Variants in HS6ST2 observed in about 807,000 individuals in gnomAD.
The protein encoded by HS6ST2 is heparan-sulfate 6-O-sulfotransferase 2.
HS6ST2 carries 17 observed loss-of-function variants against 33.0 expected under a neutral mutation model. The ratio of observed to expected loss-of-function variants is 0.52; its 90% CI spans 0.35 to 0.77. The LOEUF (loss-of-function observed/expected upper bound fraction) is 0.77. Among genes scored for constraint, HS6ST2 ranks in the 30% least tolerant of loss-of-function variants. The pLI is 0.01. For synonymous variants in HS6ST2, 248 were observed against 237.1 expected (o/e 1.05, Z -0.42); for missense variants, 519 against 551.7 (o/e 0.94, Z 0.59).
At chrX:132,926,905 G>A (rs186776421) in intron 2 of HS6ST2, among the ~76,000 whole-genome samples, 107 of 111,150 alleles carry the variant, frequency 9.6e-4, no homozygotes, top group African/African-American at 3.3e-3. Flanking sequence ...CTTGGGTGAC[G>A]GAGGGGGACT....
At chrX:132,957,491 C>G (rs1376990403) in intron 1 of HS6ST2, among the ~76,000 whole-genome samples, 165 bp from the exon 2 acceptor site, 1 of 110,019 alleles carries the variant, frequency 9.1e-6, no homozygotes, top group Non-Finnish European at 1.9e-5. Context: ...CTCCCTTCCC[C>G]GCTTCCTTCC....
chrX:132,798,959 C>T lies in HS6ST2; in HGVS notation c.948-90465G>A, dbSNP rs189272796. Among the ~76,000 whole-genome samples the T allele has an allele frequency of 7.1e-5, 8 of 112,049 alleles. 1 individual carries two copies. Among genetic ancestry groups the T allele is most frequent in the African/African-American group, 1.3e-4 (4 of 30,916 alleles). ...TCATGTCTATGTCCCCAGAACCTTG[C>T]AAGGAGGCCTGACCCAGGGTAATTG... On this transcript the variant is annotated intron_variant, in intron 2 of 4. Coordinates refer to ENST00000370833, the MANE Select transcript of HS6ST2 (RefSeq NM_001394073.1).
chrX:132,896,470 CA>C (rs1176818195), intron 2 of HS6ST2, among the ~76,000 whole-genome samples: 3,397 of 52,135 alleles, frequency 0.065, 40 homozygotes, highest in African/African-American at 0.078. Flanking sequence ...GACTCCGTCT[CA>C]AAAAAAAAAA....
intron 2 of HS6ST2, among the ~76,000 whole-genome samples, chrX:132,770,858 A>AATGG (rs1303327826): frequency 1.8e-5 from 2 of 112,029 alleles, no homozygotes; most frequent in Admixed American, 1.9e-4. Context: ...TGATGTTCAA[A>AATGG]ATGGAATTAA....
At chrX:132,909,481 A>T (rs1414606026) in intron 2 of HS6ST2, among the ~76,000 whole-genome samples, 1 of 112,430 alleles carries the variant, frequency 8.9e-6, no homozygotes, top group African/African-American at 3.2e-5. Context: ...GAAGTAAGCA[A>T]ACACTGTGCC....
chrX:132,749,860 C>T (rs779191711), intron 2 of HS6ST2, among the ~76,000 whole-genome samples: 3 of 110,912 alleles, frequency 2.7e-5, no homozygotes, highest in Admixed American at 9.6e-5. Context: ...CATTTTAATT[C>T]GAAGTGATTC....
At chrX:132,644,345 C>G (rs2063625663) in intron 4 of HS6ST2, among the ~76,000 whole-genome samples, 2 of 110,934 alleles carry the variant, frequency 1.8e-5, no homozygotes, top group African/African-American at 6.6e-5. Context: ...GTTAGTTTCT[C>G]ACTCAATCCT....
rs1251381187 is a variant in HS6ST2 at position 132,715,604 on chromosome X, A to G, written c.948-7110T>C. ...ATCACAGAGCACATCAATGCCAGAG[A>G]CAAAACCAAGTCCATTTGTCCCTTT... is the stretch of plus-strand genomic sequence containing the variant. On this transcript the variant is annotated intron_variant, in intron 2 of 4. Coordinates refer to ENST00000370833, the MANE Select transcript of HS6ST2 (RefSeq NM_001394073.1). 3.6e-5 allele frequency among the ~76,000 whole-genome samples: 4 copies of G among 111,874 alleles called. No individual in the cohort carries two copies. In the East Asian group the frequency reaches 1.1e-3, roughly 31 times the overall value.
At chrX:132,819,792 T>C (rs912072144) in intron 2 of HS6ST2, among the ~76,000 whole-genome samples, 22 of 112,224 alleles carry the variant, frequency 2.0e-4, no homozygotes, top group Non-Finnish European at 1.3e-4. Flanking sequence ...AGCACTTTGC[T>C]TCCTCCCTTT....
chrX:132,797,518 T>G (rs1341572036), intron 2 of HS6ST2, among the ~76,000 whole-genome samples: 1 of 112,434 alleles, frequency 8.9e-6, no homozygotes, highest in East Asian at 2.8e-4. Context: ...GCTGTCACTT[T>G]AAGACTCTGA....
chrX:132,642,215 G>C (rs2063606388), intron 4 of HS6ST2, among the ~76,000 whole-genome samples: 2 of 111,455 alleles, frequency 1.8e-5, no homozygotes, highest in South Asian at 7.8e-4. Flanking sequence ...TGCTGGACAT[G>C]TGCTGTCTGG....
intron 2 of HS6ST2, among the ~76,000 whole-genome samples, chrX:132,867,011 A>G (rs1487400862): frequency 4.0e-4 from 34 of 84,916 alleles, no homozygotes; most frequent in Non-Finnish European, 7.0e-4. Context: ...AACTTCCAAC[A>G]CTATGTTGAA....
intron 2 of HS6ST2, among the ~76,000 whole-genome samples, chrX:132,807,896 T>C (rs975918341): frequency 9.0e-6 from 1 of 111,720 alleles, no homozygotes; most frequent in African/African-American, 3.3e-5. Flanking sequence ...TGGGAGAAAC[T>C]CAGCAGCAGT....
At chrX:132,744,626 G>A (rs1439901218) in intron 2 of HS6ST2, among the ~76,000 whole-genome samples, 1 of 111,723 alleles carries the variant, frequency 9.0e-6, no homozygotes, top group African/African-American at 3.3e-5. Context: ...CAGCCTATCA[G>A]TTCACTCAGC....
intron 2 of HS6ST2, among the ~76,000 whole-genome samples, chrX:132,895,454 T>A (rs2066364760): frequency 9.0e-6 from 1 of 111,573 alleles, no homozygotes; most frequent in Admixed American, 9.6e-5. Context: ...TATAATGATA[T>A]ACATACATAT....
At chrX:132,756,647 C>T (rs1051611459) in intron 2 of HS6ST2, among the ~76,000 whole-genome samples, 2 of 110,773 alleles carry the variant, frequency 1.8e-5, no homozygotes, top group Non-Finnish European at 3.8e-5. Context: ...TGAGCTTTCT[C>T]CATCCATCTT....
intron 2 of HS6ST2, among the ~76,000 whole-genome samples, chrX:132,821,811 C>T (rs887786478): frequency 3.6e-5 from 4 of 110,434 alleles, no homozygotes; most frequent in Non-Finnish European, 3.8e-5. Flanking sequence ...GGCAACATGG[C>T]GAAACCCTAT....
intron 2 of HS6ST2, among the ~76,000 whole-genome samples, chrX:132,811,686 A>ATATATATATG (rs1491543460): frequency 5.2e-3 from 14 of 2,713 alleles, no homozygotes; most frequent in African/African-American, 0.019. Context: ...AGGCTGAATA[A>ATATATATATG]TATATATATA....
intron 4 of HS6ST2, among the ~76,000 whole-genome samples, chrX:132,658,872 C>T (rs1176818202): frequency 9.0e-6 from 1 of 111,606 alleles, no homozygotes; most frequent in Non-Finnish European, 1.9e-5. Flanking sequence ...ACAGTGATGG[C>T]CAAACATATT....
Sources: gnomAD v4.1 joint callset for allele counts (sites outside exome capture counted in the v4.1 genomes callset) on GRCh38, gnomAD v4.1.1 for gene constraint, MANE v1.5 for transcripts, NCBI Gene and HGNC (gene_info 2026-07-23, HGNC 2026-07-21) for gene names.